TP63: variants seen among roughly 807,000 people sequenced by gnomAD.
The protein encoded by TP63 is tumor protein p63, also known as tumor protein 63.
Under a neutral mutation model 82.8 loss-of-function variants are expected in TP63, and 17 were observed. The ratio of observed to expected loss-of-function variants is 0.21; its 90% CI spans 0.14 to 0.31. The LOEUF (loss-of-function observed/expected upper bound fraction) is 0.31, where lower values mean the gene tolerates loss of function less well. TP63 is among the 10% of genes least tolerant of loss of function. The probability of loss-of-function intolerance (pLI) is 1.00; values close to 1 mark genes in which losing one functional copy is unlikely to be tolerated. For missense variants in TP63, 648 were observed against 895.3 expected, an observed-to-expected ratio of 0.72 and a Z score of 3.52; for synonymous variants, 330 against 321.7, an observed-to-expected ratio of 1.03 and a Z score of -0.28.
chr3:189,718,125 C>A (rs960270220), intron 1 of TP63, among the ~76,000 whole-genome samples: 20 of 152,050 alleles, frequency 1.3e-4, no homozygotes, highest in African/African-American at 4.8e-4. Context: ...GATTTTGATT[C>A]CCAAGTGTGT....
intron 3 of TP63, among the ~76,000 whole-genome samples, chr3:189,797,208 G>A (rs1725796747): frequency 6.6e-6 from 1 of 152,060 alleles, no homozygotes; most frequent in African/African-American, 2.4e-5. Context: ...GCTGTGGTGT[G>A]TTGCCAGAGG....
At chr3:189,840,902 AC>A (rs1404939160) in intron 4 of TP63, among the ~76,000 whole-genome samples, 3 of 151,208 alleles carry the variant, frequency 2.0e-5, no homozygotes, top group Non-Finnish European at 2.9e-5. Context: ...TTTCCCAATA[AC>A]CTTCTTGGGC....
intron 11 of TP63, 75 bp downstream of exon 11, chr3:189,886,626 G>A: frequency 6.3e-7 from 1 of 1,593,262 alleles, no homozygotes. Flanking sequence ...GATGGGGAAG[G>A]CATGTTCTTA....
At chr3:189,705,566 C>A (rs1163436247) in intron 1 of TP63, among the ~76,000 whole-genome samples, 4 of 152,152 alleles carry the variant, frequency 2.6e-5, no homozygotes, top group African/African-American at 9.6e-5. Context: ...TGCGAAGCAG[C>A]CTTCTCACCT....
At chr3:189,612,482 A>G in the TP63 span, among the ~76,000 whole-genome samples, 4 of 152,240 alleles carry the variant, frequency 2.6e-5, no homozygotes, top group Non-Finnish European at 5.9e-5. Context: ...CTGTAGGTTC[A>G]ATTAAACCTC....
intron 4 of TP63, among the ~76,000 whole-genome samples, chr3:189,835,407 C>G (rs1712989847): frequency 6.6e-6 from 1 of 152,144 alleles, no homozygotes; most frequent in Admixed American, 6.5e-5. Context: ...TTTGTCCTAA[C>G]TGTGTCCTAA....
chr3:189,763,283 A>G (rs1044412401), intron 3 of TP63, among the ~76,000 whole-genome samples: 2 of 152,134 alleles, frequency 1.3e-5, no homozygotes, highest in Admixed American at 6.5e-5. Context: ...CTAAAAAATA[A>G]TAATAAAAAA....
chr3:189,839,993 C>A lies in TP63; in HGVS notation c.580-24239C>A, dbSNP rs1470213090. On this transcript the variant is annotated intron_variant, in intron 4 of 13. Transcript: ENST00000264731. ...TAGGAGTTTCAATTTACTTAACTGG[C>A]AAATGGAATAACAATGTCTACTTCA... Among the ~76,000 whole-genome samples the A allele has an allele frequency of 3.9e-5, 6 of 152,122 alleles. No individual in the cohort carries two copies. In the East Asian group the frequency reaches 7.7e-4, roughly 19 times the overall value.
intron 1 of TP63, among the ~76,000 whole-genome samples, chr3:189,711,037 G>A (rs1056878200): frequency 4.9e-4 from 75 of 152,236 alleles, no homozygotes; most frequent in African/African-American, 1.7e-3. Context: ...TGTTCTCTTG[G>A]AGAGTTGGGA....
At chr3:189,771,302 A>ATATATATAATATAATATATATT (rs1723327815) in intron 3 of TP63, among the ~76,000 whole-genome samples, 1 of 123,390 alleles carries the variant, frequency 8.1e-6, no homozygotes, top group Non-Finnish European at 1.6e-5. Context: ...TATTATATTT[A>ATATATATAATATAATATATATT]TATATATAAT....
chr3:189,879,182 A>G (rs559307004), intron 10 of TP63, among the ~76,000 whole-genome samples: 2 of 152,262 alleles, frequency 1.3e-5, no homozygotes, highest in South Asian at 4.2e-4. Context: ...CTTGCCGGTG[A>G]CATGGTTTAC....
intron 3 of TP63, among the ~76,000 whole-genome samples, chr3:189,750,607 G>A (rs1350168126): frequency 1.3e-5 from 2 of 151,944 alleles, no homozygotes; most frequent in African/African-American, 2.4e-5. Context: ...AAAATATTAT[G>A]TATCAATTAA....
In TP63 at chr3:189,881,173, A is replaced by G. The variant is rs926013033; in HGVS notation, c.1350-5221A>G. The G allele has an allele frequency of 4.1e-6, 4 of 980,652 alleles. No individual in the cohort carries two copies. The African/African-American group carries it at 5.3e-5, about 13-fold the overall frequency. 60.7% of individuals were successfully genotyped at this position (980,652 alleles called of 1,614,324 possible). A position where few individuals can be genotyped will look rare whatever the true frequency, so the allele number is the denominator to read the frequency against. On this transcript the variant is annotated intron_variant, in intron 10 of 13. Transcript: ENST00000264731. The stretch of plus-strand genomic sequence containing the variant: ...CTGATACTGTTCAGTGCATTTAGCC[A>G]GGAGACTTACGTTTTGAGTAAGTGA...
upstream of TP63, among the ~76,000 whole-genome samples, chr3:189,629,921 A>G (rs1302415775): frequency 6.6e-6 from 1 of 152,210 alleles, no homozygotes; most frequent in East Asian, 1.9e-4. Flanking sequence ...TTAATTAGTT[A>G]AGCAATCTTC....
intron 4 of TP63, among the ~76,000 whole-genome samples, chr3:189,842,254 C>T (rs1714236002): frequency 3.9e-5 from 6 of 152,196 alleles, no homozygotes; most frequent in Admixed American, 3.3e-4. Flanking sequence ...GTGTATGTCA[C>T]GTCTGTGTCC....
intron 4 of TP63, among the ~76,000 whole-genome samples, chr3:189,851,355 T>A (rs1715603733): frequency 6.6e-6 from 1 of 151,372 alleles, no homozygotes; most frequent in South Asian, 2.1e-4. Context: ...GCCCAAAGAG[T>A]GAGAGACCAG....
chr3:189,816,548 A>C (rs556612906), intron 4 of TP63, among the ~76,000 whole-genome samples: 42 of 151,870 alleles, frequency 2.8e-4, no homozygotes, highest in African/African-American at 9.4e-4. Context: ...ATATATAAAA[A>C]CCCCCTGGTT....
intron 3 of TP63, among the ~76,000 whole-genome samples, chr3:189,765,504 T>C (rs563407619): frequency 5.8e-4 from 77 of 132,822 alleles, no homozygotes; most frequent in African/African-American, 2.0e-3. Context: ...GGGGGGATCT[T>C]GGCTCACTGC....
intron 3 of TP63, among the ~76,000 whole-genome samples, chr3:189,763,982 A>G (rs927423155): frequency 1.3e-5 from 2 of 152,148 alleles, no homozygotes; most frequent in South Asian, 4.1e-4. Flanking sequence ...GAAAAATAGG[A>G]ATACTCTATA....
Sources: allele counts gnomAD v4.1 joint callset (sites outside exome capture counted in the v4.1 genomes callset), GRCh38; gene constraint gnomAD v4.1.1; transcripts MANE v1.5; gene names NCBI Gene and HGNC (gene_info 2026-07-23, HGNC 2026-07-21).